The following XPO7 variants were observed in gnomAD, a reference collection of about 807,000 sequenced individuals.
The protein encoded by XPO7 is exportin-7.
In XPO7, 21 loss-of-function variants were observed where a neutral mutation model predicts 144.3. The observed-to-expected ratio is 0.15, with a 90% confidence interval of 0.10 to 0.21. The LOEUF is 0.21. Ranked by LOEUF, XPO7 falls within the 10% of genes least tolerant of loss-of-function variation. The probability of loss-of-function intolerance (pLI) is 1.00; values close to 1 mark genes in which losing one functional copy is unlikely to be tolerated. For missense variants in XPO7, 808 were observed against 1,325.8 expected, an observed-to-expected ratio of 0.61 and a Z score of 6.06; for synonymous variants, 580 against 499.6, an observed-to-expected ratio of 1.16 and a Z score of -2.15.
At chr8:21,951,361 C>G (rs1036486772) in intron 1 of XPO7, among the ~76,000 whole-genome samples, 2 of 151,866 alleles carry the variant, frequency 1.3e-5, no homozygotes, top group African/African-American at 2.4e-5. Context: ...CTTAATCATC[C>G]TTACTCTTCT....
chr8:21,948,494 A>G (rs1811264711), intron 1 of XPO7, among the ~76,000 whole-genome samples: 1 of 152,236 alleles, frequency 6.6e-6, no homozygotes, highest in Non-Finnish European at 1.5e-5. Context: ...CACAACAATG[A>G]AATTGCCTAA....
chr8:21,930,006 G>A (rs1468360727), intron 1 of XPO7, among the ~76,000 whole-genome samples: 2 of 152,180 alleles, frequency 1.3e-5, no homozygotes, highest in African/African-American at 4.8e-5. Flanking sequence ...ATGTTTTGCT[G>A]AAGTAGGAAT....
chr8:21,940,588 G>C (rs758615413), intron 1 of XPO7, among the ~76,000 whole-genome samples: 1 of 151,524 alleles, frequency 6.6e-6, no homozygotes, highest in Non-Finnish European at 1.5e-5. Flanking sequence ...TCCTGTCTTA[G>C]CCTCCCAGTA....
intron 25 of XPO7, among the ~76,000 whole-genome samples, chr8:22,002,757 A>C (rs1423623476): frequency 6.6e-6 from 1 of 152,046 alleles, no homozygotes; most frequent in Non-Finnish European, 1.5e-5. Flanking sequence ...AAAATAGATA[A>C]GGAAATGGGA....
intron 7 of XPO7, among the ~76,000 whole-genome samples, chr8:21,977,045 T>G (rs1812247187): frequency 2.0e-5 from 3 of 152,210 alleles, no homozygotes; most frequent in African/African-American, 7.2e-5. Context: ...AATTGCCGAT[T>G]AATAATAGAT....
Position 21,967,016 on chromosome 8 carries a change from T to G in XPO7, c.165+13T>G. ...CGAAAGAGGAAGTGTGCGTAAGATC[T>G]GAAAATCCTAAAGGATAACAGGCGC... On this transcript the variant is annotated intron_variant, in intron 2 of 27. Coordinates refer to ENST00000252512, the MANE Select transcript of XPO7 (RefSeq NM_015024.5). 1.2e-6 allele frequency: 2 copies of G among 1,610,636 alleles called. No individual in the cohort carries two copies. Among genetic ancestry groups the G allele is most frequent in the African/African-American group, 1.3e-5 (1 of 74,922 alleles).
intron 15 of XPO7, chr8:21,988,685 G>A (rs1460135746): frequency 3.2e-6 from 1 of 314,556 alleles, no homozygotes; most frequent in Non-Finnish European, 6.0e-6. Context: ...ACGTCTGCAT[G>A]TTATCACTGC....
rs1170364778 is a variant in XPO7 at position 21,989,821 on chromosome 8, C to CTTTTTTTTTTTTTTTTTTTTTTTTTT, written c.1869-502_1869-477dup. 7.2e-4 allele frequency among the ~76,000 whole-genome samples: 43 copies of CTTTTTTTTTTTTTTTTTTTTTTTTTT among 59,708 alleles called. 11 individuals are homozygous for CTTTTTTTTTTTTTTTTTTTTTTTTTT. The highest frequency in any genetic ancestry group is 1.2e-3 in the Admixed American group (5 of 4,018). 39.2% of individuals were successfully genotyped at this position (59,708 alleles called of 152,430 possible). A position where few individuals can be genotyped will look rare whatever the true frequency, so the allele number is the denominator to read the frequency against. ...AATAGGAGTTTGGTATAGGTGTTTCCTTTTTTTTTTTTTTTTTTTTTTTTT... is the reference window on the plus strand; with the variant it reads ...AATAGGAGTTTGGTATAGGTGTTTCCTTTTTTTTTTTTTTTTTTTTTTTTTTTTTTTTTTTTTTTTTTTTTTTTTTT... On this transcript the variant is annotated intron_variant, in intron 16 of 27. Transcript: ENST00000252512.
intron 1 of XPO7, among the ~76,000 whole-genome samples, chr8:21,939,061 T>G (rs1291756216): frequency 6.6e-6 from 1 of 152,172 alleles, no homozygotes; most frequent in Non-Finnish European, 1.5e-5. Context: ...TACTCCCCTT[T>G]GGAAATTTCA....
chr8:21,925,741 G>A (rs1380058787), intron 1 of XPO7, among the ~76,000 whole-genome samples: 1 of 152,204 alleles, frequency 6.6e-6, no homozygotes, highest in Non-Finnish European at 1.5e-5. Context: ...AAGCATTCTG[G>A]ATGGGATTTC....
intron 13 of XPO7, among the ~76,000 whole-genome samples, chr8:21,986,569 TC>T (rs1812586512): frequency 6.6e-6 from 1 of 152,236 alleles, no homozygotes; most frequent in Non-Finnish European, 1.5e-5. Context: ...CGTAGCATTT[TC>T]CCACTGGCAT....
intron 16 of XPO7, among the ~76,000 whole-genome samples, chr8:21,990,076 C>T (rs577373891): frequency 3.3e-5 from 5 of 151,844 alleles, no homozygotes; most frequent in Non-Finnish European, 7.4e-5. Flanking sequence ...GTCTCGATCT[C>T]CTGACCTCGT....
intron 1 of XPO7, among the ~76,000 whole-genome samples, chr8:21,957,528 C>T (rs545088547): frequency 3.3e-5 from 5 of 152,138 alleles, no homozygotes; most frequent in Non-Finnish European, 7.3e-5. Context: ...GTCCTCTTTC[C>T]TGTCTTCCCT....
rs1306417366 is a variant in XPO7, at chr8:21,987,131, C to T, written c.1578-10C>T. The T allele has an allele frequency of 1.2e-6, 2 of 1,613,646 alleles. No individual in the cohort carries two copies. Among genetic ancestry groups the T allele is most frequent in the South Asian group, 2.2e-5 (2 of 91,056 alleles). ...TGCTGTTGAGAGAATCATTGCTCCT[C>T]TTCCTCCAGGGTGCTCCAGCTGATG... On this transcript the variant is annotated splice_polypyrimidine_tract_variant and intron_variant, in intron 13 of 27. Transcript: ENST00000252512.
intron 1 of XPO7, among the ~76,000 whole-genome samples, chr8:21,949,849 C>T (rs1386321260): frequency 6.6e-6 from 1 of 152,178 alleles, no homozygotes; most frequent in East Asian, 1.9e-4. Flanking sequence ...CCTGCCTTAG[C>T]CTCCCGAATA....
intron 1 of XPO7, among the ~76,000 whole-genome samples, chr8:21,946,986 AAC>A (rs937946886): frequency 1.3e-5 from 2 of 152,224 alleles, no homozygotes; most frequent in African/African-American, 4.8e-5. Flanking sequence ...TTTTTAGATA[AAC>A]ACAAACTAAG....
At chr8:21,995,089 C>T (rs1292957988) in intron 20 of XPO7, among the ~76,000 whole-genome samples, 1 of 151,326 alleles carries the variant, frequency 6.6e-6, no homozygotes, top group Non-Finnish European at 1.5e-5. Context: ...TAATAATAAA[C>T]AGCTTTTACA....
intron 1 of XPO7, among the ~76,000 whole-genome samples, chr8:21,954,154 C>T (rs1393540455): frequency 1.3e-5 from 2 of 152,254 alleles, no homozygotes; most frequent in Admixed American, 1.3e-4. Flanking sequence ...CATTGTAAAA[C>T]ATAATGATGG....
At chr8:21,932,590 C>G (rs1810687063) in intron 1 of XPO7, among the ~76,000 whole-genome samples, 1 of 151,488 alleles carries the variant, frequency 6.6e-6, no homozygotes, top group Admixed American at 6.6e-5. Context: ...TGGGTTTTCT[C>G]ATGCGAAAAG....
Sources: allele counts gnomAD v4.1 joint callset (sites outside exome capture counted in the v4.1 genomes callset), GRCh38; gene constraint gnomAD v4.1.1; transcripts MANE v1.5; gene names NCBI Gene and HGNC (gene_info 2026-07-23, HGNC 2026-07-21).